TMEM181: variants seen among roughly 807,000 people sequenced by gnomAD.
TMEM181 encodes the protein transmembrane protein 181, also known as G protein-coupled receptor 178.
Under a neutral mutation model 71.9 loss-of-function variants are expected in TMEM181, and 39 were observed. The ratio of observed to expected loss-of-function variants is 0.54; its 90% CI spans 0.42 to 0.71. The LOEUF (loss-of-function observed/expected upper bound fraction) is 0.71, where lower values mean the gene tolerates loss of function less well. Among genes scored for constraint, TMEM181 ranks in the 30% least tolerant of loss-of-function variants. TMEM181 has a pLI of 0.00. For synonymous variants in TMEM181, 245 were observed against 228.8 expected, an observed-to-expected ratio of 1.07 and a Z score of -0.64; for missense variants, 595 against 583.0, an observed-to-expected ratio of 1.02 and a Z score of -0.21.
At chr6:158,537,188 C>A (rs530433731) in intron 1 of TMEM181, among the ~76,000 whole-genome samples, 244 of 152,116 alleles carry the variant, frequency 1.6e-3, no homozygotes, top group Middle Eastern at 6.8e-3. Context: ...CGGGTTGTGG[C>A]TCCTCCCTGC....
Position 158,605,290 on chromosome 6 carries a change from C to G in TMEM181, c.516C>G (p.Phe172Leu). The G allele has an allele frequency of 6.2e-7, 1 of 1,614,022 alleles. No individual in the cohort carries two copies. The highest frequency in any genetic ancestry group is 1.1e-5 in the South Asian group (1 of 91,078). Residue 172 changes from phenylalanine (F) to leucine (L), a missense_variant, in exon 7 of 17, where the codon TTC becomes TTG. Transcript: ENST00000684151. ...AGTGGAAGACTTATAACCCTGCCTT[C>G]TCCCGGTTGGAAATCTGGTTCCGGT... ...NFTWKTYNPA[F>L]SRLEIWFRFF...
chr6:158,537,485 G>A (rs1781166747), intron 1 of TMEM181, among the ~76,000 whole-genome samples: 1 of 152,180 alleles, frequency 6.6e-6, no homozygotes, highest in South Asian at 2.1e-4. Flanking sequence ...CCTCTTCAGC[G>A]GCCTAGGGGA....
At chr6:158,578,013 C>G (rs191334521) in intron 2 of TMEM181, among the ~76,000 whole-genome samples, 494 of 152,174 alleles carry the variant, frequency 3.2e-3, no homozygotes, top group African/African-American at 0.011. Context: ...TCTCTTGAAC[C>G]CGGGAGGTGG....
chr6:158,628,455 A>G lies in TMEM181; in HGVS notation c.1157A>G (p.Asn386Ser), dbSNP rs770866949. 2.5e-6 allele frequency: 4 copies of G among 1,614,198 alleles called. No homozygotes were observed. The highest frequency in any genetic ancestry group is 2.5e-6 in the Non-Finnish European group (3 of 1,180,032). Residue 386 changes from asparagine to serine, a missense_variant, in exon 14 of 17, where the codon AAT becomes AGT. Asn to Ser is a conservative substitution (Grantham distance 46, BLOSUM62 1). Transcript: ENST00000684151. Reference sequence around the variant, plus strand: ...TTTGGGGCGCAAGTACTACAAGACAATTTTGTAGCAGAGCTGTCAACTCAC... The same window carrying G: ...TTTGGGGCGCAAGTACTACAAGACAGTTTTGTAGCAGAGCTGTCAACTCAC... ...LRFGAQVLQD[N>S]FVAELSTHYQ...
intron 1 of TMEM181, among the ~76,000 whole-genome samples, chr6:158,553,079 A>G (rs1039441696): frequency 2.0e-5 from 3 of 151,906 alleles, no homozygotes; most frequent in African/African-American, 7.3e-5. Flanking sequence ...TTCCAGTTAC[A>G]TGGGTGGCTG....
intron 1 of TMEM181, among the ~76,000 whole-genome samples, chr6:158,569,024 T>TG (rs1782663323): frequency 6.6e-6 from 1 of 152,190 alleles, no homozygotes; most frequent in African/African-American, 2.4e-5. Context: ...TTACCCAGGC[T>TG]GAGTGCAGTG....
At chr6:158,586,092 C>T (rs767904925) in intron 5 of TMEM181, among the ~76,000 whole-genome samples, 8 of 152,280 alleles carry the variant, frequency 5.3e-5, no homozygotes, top group South Asian at 2.1e-4. Flanking sequence ...GCCTCTTGGG[C>T]GTCAGGGGCC....
chr6:158,540,584 C>G (rs1781304043), intron 1 of TMEM181, among the ~76,000 whole-genome samples: 1 of 152,146 alleles, frequency 6.6e-6, no homozygotes, highest in South Asian at 2.1e-4. Context: ...AATTGGAGAC[C>G]AGCCTGAGCA....
intron 3 of TMEM181, 91 bp downstream of exon 3, chr6:158,581,086 AG>A (rs1783444405): frequency 7.9e-7 from 1 of 1,273,710 alleles, no homozygotes; most frequent in African/African-American, 1.5e-5. Context: ...TCTTTAAGGT[AG>A]CCTTCCCTTG....
At chr6:158,613,813 C>T (rs1321791066) in intron 10 of TMEM181, among the ~76,000 whole-genome samples, 2 of 152,194 alleles carry the variant, frequency 1.3e-5, no homozygotes, top group Non-Finnish European at 2.9e-5. Flanking sequence ...TCTAGAGGAA[C>T]TAGGCAGAGA....
At chr6:158,597,453 A>C (rs1207582183) in intron 6 of TMEM181, among the ~76,000 whole-genome samples, 1 of 152,034 alleles carries the variant, frequency 6.6e-6, no homozygotes, top group East Asian at 1.9e-4. Context: ...TGGAAAGGAC[A>C]CATTCTGTGC....
chr6:158,606,574 A>G (rs768927246), intron 7 of TMEM181, among the ~76,000 whole-genome samples: 1 of 152,378 alleles, frequency 6.6e-6, no homozygotes. Context: ...CTGTTGGCTT[A>G]TATCAGATTA....
chr6:158,601,147 C>A (rs1185907834), intron 6 of TMEM181, among the ~76,000 whole-genome samples: 2 of 152,176 alleles, frequency 1.3e-5, no homozygotes, highest in African/African-American at 4.8e-5. Context: ...TAGCAATAAT[C>A]ATAATAGTTA....
intron 8 of TMEM181, 147 bp from the exon 9 acceptor site, chr6:158,608,186 G>A: frequency 9.2e-7 from 1 of 1,086,260 alleles, no homozygotes; most frequent in Non-Finnish European, 1.3e-6. Flanking sequence ...ACCCCGCACA[G>A]GTATGGGGTG....
At chr6:158,608,546 G>GAATT (rs751462012) in intron 9 of TMEM181, 83 bp downstream of exon 9, 205 of 1,608,082 alleles carry the variant, frequency 1.3e-4, no homozygotes, top group Non-Finnish European at 1.7e-4. Context: ...CCAGAAAGGT[G>GAATT]AATTTATCCA....
At position 158,609,910 on chromosome 6, in the gene TMEM181, C is replaced by T. The variant is rs1004299428; in HGVS notation, c.896+1160C>T. ...TTCTCTCCAGTGGGATCTGCCTCAG[C>T]ACTTCCCGGGCTTCTCAGGTGGAGG... is the stretch of plus-strand genomic sequence containing the variant. On this transcript the variant is annotated intron_variant, in intron 10 of 16. Transcript: ENST00000684151. 14 of 233,654 alleles carry T rather than the reference C, an allele frequency of 6.0e-5. No individual in the cohort carries two copies. In the East Asian group the frequency reaches 7.4e-4, roughly 12 times the overall value. The allele number at this position is 233,654 out of a possible 1,614,324, so 14.5% of individuals were successfully genotyped here. A position where few individuals can be genotyped will look rare whatever the true frequency, so the allele number is the denominator to read the frequency against.
Position 158,632,042 on chromosome 6 carries a change from G to T in TMEM181, c.*154G>T. ...TTTTTAAAGGAAAACCAAAACTGAG[G>T]GTAAATTTAAATGTTTAGCCAAATT... is the stretch of plus-strand genomic sequence containing the variant. On this transcript the variant is annotated 3_prime_UTR_variant, in exon 17 of 17. Coordinates refer to ENST00000684151, the MANE Select transcript of TMEM181 (RefSeq NM_001376852.1). 1 of 743,320 alleles carries T rather than the reference G, an allele frequency of 1.3e-6. No individual in the cohort carries two copies. The highest frequency in any genetic ancestry group is 2.2e-6 in the Non-Finnish European group (1 of 464,644). The allele number at this position is 743,320 out of a possible 1,614,324, so 46.0% of individuals were successfully genotyped here. A position where few individuals can be genotyped will look rare whatever the true frequency, so the allele number is the denominator to read the frequency against.
intron 11 of TMEM181, among the ~76,000 whole-genome samples, 155 bp downstream of exon 11, chr6:158,623,762 AT>A (rs34320485): frequency 0.63 from 90,599 of 143,938 alleles, 28,574 homozygotes; most frequent in African/African-American, 0.76. Context: ...ATTTGGGGAA[AT>A]TTTTTTTTTT....
At position 158,560,217 on chromosome 6, in the gene TMEM181, G is replaced by C. The variant is rs951391741; in HGVS notation, c.-8G>C. 1 of 984,828 alleles carries C rather than the reference G, an allele frequency of 1.0e-6. No homozygotes were observed. The highest frequency in any genetic ancestry group is 1.7e-5 in the African/African-American group (1 of 57,152). The allele number at this position is 984,828 out of a possible 1,614,324, so 61.0% of individuals were successfully genotyped here. ...CGCGGGCCGGGGCCGAGGGCTCTGGGCGCCGAGATGGAGCCGTGAGTCCCC... is the reference window on the plus strand; with the variant it reads ...CGCGGGCCGGGGCCGAGGGCTCTGGCCGCCGAGATGGAGCCGTGAGTCCCC... On this transcript the variant is annotated 5_prime_UTR_variant, in exon 1 of 17. Transcript: ENST00000684151.
Sources: gnomAD v4.1 joint callset for allele counts (sites outside exome capture counted in the v4.1 genomes callset) on GRCh38, gnomAD v4.1.1 for gene constraint, MANE v1.5 for transcripts, NCBI Gene and HGNC (gene_info 2026-07-23, HGNC 2026-07-21) for gene names.